Variants in DNMBP observed in about 807,000 individuals in gnomAD.
DNMBP encodes dynamin-binding protein.
Under a neutral mutation model 150.0 loss-of-function variants are expected in DNMBP, and 87 were observed. That is an observed-to-expected ratio of 0.58 (90% CI 0.49 to 0.69). DNMBP has a LOEUF of 0.69. Ranked by LOEUF, DNMBP falls within the 30% of genes least tolerant of loss-of-function variation. DNMBP has a pLI of 0.00. For missense variants in DNMBP, 1,774 were observed against 1,949.0 expected (o/e 0.91, Z 1.69); for synonymous variants, 711 against 750.4 (o/e 0.95, Z 0.86).
rs1589431808 is a variant in DNMBP at position 99,943,875 on chromosome 10, C to G, written c.2260+11339G>C. 3.9e-5 allele frequency among the ~76,000 whole-genome samples: 6 copies of G among 152,216 alleles called. No individual in the cohort carries two copies. In the East Asian group the frequency reaches 1.2e-3, roughly 29 times the overall value. ...ATCAGTCATTCTCCAGCTTGTTAAT[C>G]TACTGGCTGTCTTTAGTGCATCTTA... On this transcript the variant is annotated intron_variant, in intron 4 of 16. Coordinates refer to ENST00000324109, the MANE Select transcript of DNMBP (RefSeq NM_015221.4).
At chr10:99,905,359 T>C (rs2039811380) in intron 6 of DNMBP, among the ~76,000 whole-genome samples, 1 of 152,332 alleles carries the variant, frequency 6.6e-6, no homozygotes, top group Middle Eastern at 3.4e-3. Flanking sequence ...GACTTGAGTT[T>C]GAATGCCAGT....
intron 4 of DNMBP, among the ~76,000 whole-genome samples, chr10:99,920,655 T>C (rs2040013398): frequency 6.6e-6 from 1 of 152,166 alleles, no homozygotes. Flanking sequence ...TTGGGCCTGT[T>C]TGTCACTTTC....
chr10:99,991,985 C>T (rs531625259), intron 1 of DNMBP, among the ~76,000 whole-genome samples: 1 of 126,666 alleles, frequency 7.9e-6, no homozygotes, highest in South Asian at 2.4e-4. Context: ...TGCCTGTAAT[C>T]TCACCACTTT....
chr10:99,892,983 T>C (rs1287856431), intron 11 of DNMBP, among the ~76,000 whole-genome samples: 5 of 151,932 alleles, frequency 3.3e-5, no homozygotes. Flanking sequence ...GATACAGAGA[T>C]CAACAAACTG....
rs370660568 is a variant in DNMBP, at chr10:99,956,191, T to G, written c.1283A>C (p.Gln428Pro). 1.9e-6 allele frequency: 3 copies of G among 1,614,142 alleles called. No homozygotes were observed. The highest frequency in any genetic ancestry group is 2.5e-6 in the Non-Finnish European group (3 of 1,180,034). The change falls in exon 4 of 17, where the codon CAG (glutamine) becomes CCG (proline). Residue 428 changes from glutamine to proline, a missense_variant. Gln to Pro is a moderately conservative substitution (Grantham distance 76). This residue lies in a region of DNMBP where 1,430 missense variants were observed against 1,492.5 expected (regional missense o/e 0.96). Transcript: ENST00000324109. ...VPFHPNLQKS[Q>P]YYSTVGGSHP... is the part of the protein sequence containing the mutation. ...GCTCCCTCCCACTGTAGAATAATAC[T>G]GGCTTTTCTGCAAGTTGGGATGAAA...
In DNMBP at chr10:99,955,453, T is replaced by G. The variant is rs2040475206; in HGVS notation, c.2021A>C (p.Glu674Ala). The stretch of plus-strand genomic sequence containing the variant: ...TCCCATATGACCAGGGCCCTCCTTT[T>G]CTAAGGTCTCACAGGTAGGACGGTG... ...SRHRPTCETLEKEGPGHMGRS... is the reference protein window; with the variant it reads ...SRHRPTCETLAKEGPGHMGRS... The change falls in exon 4 of 17, where the codon GAA (glutamate) becomes GCA (alanine). Residue 674 changes from glutamate (E) to alanine (A), a missense_variant. Coordinates refer to ENST00000324109, the MANE Select transcript of DNMBP (RefSeq NM_015221.4). The G allele has an allele frequency of 5.6e-6, 9 of 1,610,354 alleles. No individual in the cohort carries two copies. Among genetic ancestry groups the G allele is most frequent in the Non-Finnish European group, 6.8e-6 (8 of 1,177,682 alleles).
chr10:99,904,202 C>A (rs561948899), intron 6 of DNMBP, among the ~76,000 whole-genome samples: 2 of 152,180 alleles, frequency 1.3e-5, no homozygotes, highest in African/African-American at 4.8e-5. Flanking sequence ...CTGCAGTGAG[C>A]TGTGATCACA....
chr10:100,007,181 A>G (rs2041082232), intron 1 of DNMBP, among the ~76,000 whole-genome samples: 1 of 151,898 alleles, frequency 6.6e-6, no homozygotes, highest in Non-Finnish European at 1.5e-5. Flanking sequence ...TAAATCCCCT[A>G]CCACACATAT....
chr10:99,898,998 G>C (rs897153346), intron 7 of DNMBP, among the ~76,000 whole-genome samples: 1 of 149,450 alleles, frequency 6.7e-6, no homozygotes, highest in Non-Finnish European at 1.5e-5. Flanking sequence ...TTCAAGACCT[G>C]CCTGGCCAAC....
intron 15 of DNMBP, among the ~76,000 whole-genome samples, chr10:99,882,902 C>CA (rs1484903284): frequency 6.6e-6 from 1 of 151,734 alleles, no homozygotes; most frequent in Non-Finnish European, 1.5e-5. Context: ...CCCGTCTCTA[C>CA]AAAAAATACA....
At chr10:99,995,833 C>T (rs976757244) in intron 1 of DNMBP, among the ~76,000 whole-genome samples, 2 of 152,248 alleles carry the variant, frequency 1.3e-5, no homozygotes, top group African/African-American at 4.8e-5. Flanking sequence ...AAATAATAAA[C>T]ACGTCTGTCT....
intron 3 of DNMBP, among the ~76,000 whole-genome samples, chr10:99,964,816 A>C (rs1363903883): frequency 2.0e-5 from 3 of 151,268 alleles, no homozygotes; most frequent in Non-Finnish European, 4.4e-5. Flanking sequence ...AGTGGCAGTG[A>C]GCAGAAATTG....
In DNMBP at chr10:99,934,815, G is replaced by A. The variant is rs1305660668; in HGVS notation, c.2260+20399C>T. Among the ~76,000 whole-genome samples the A allele has an allele frequency of 2.4e-5, 3 of 127,652 alleles. No individual in the cohort carries two copies. In the Admixed American group the frequency reaches 2.5e-4, roughly 10 times the overall value. The allele number at this position is 127,652 out of a possible 152,430, so 83.7% of individuals were successfully genotyped here. Reference sequence around the variant, plus strand: ...AGCATAGAGCAATTAGTAGAAGGAAGAGGCCGGGCACAGTGGCTCATACCT... The same window carrying A: ...AGCATAGAGCAATTAGTAGAAGGAAAAGGCCGGGCACAGTGGCTCATACCT... On this transcript the variant is annotated intron_variant, in intron 4 of 16. Transcript: ENST00000324109.
chr10:99,964,507 T>C (rs948709759), intron 3 of DNMBP, among the ~76,000 whole-genome samples: 2 of 151,644 alleles, frequency 1.3e-5, no homozygotes, highest in Non-Finnish European at 2.9e-5. Flanking sequence ...GTTTTTTTTT[T>C]AGGATAGTCA....
At chr10:99,937,871 T>G (rs530710961) in intron 4 of DNMBP, among the ~76,000 whole-genome samples, 2 of 152,282 alleles carry the variant, frequency 1.3e-5, no homozygotes, top group Admixed American at 6.5e-5. Flanking sequence ...GGAGGACAGC[T>G]TTCACCACAA....
chr10:100,004,015 G>A (rs1314046359), intron 1 of DNMBP, among the ~76,000 whole-genome samples: 1 of 151,568 alleles, frequency 6.6e-6, no homozygotes, highest in Non-Finnish European at 1.5e-5. Flanking sequence ...GAAGATTGCT[G>A]GAGCCCGGGA....
intron 1 of DNMBP, among the ~76,000 whole-genome samples, chr10:99,992,659 T>TAA (rs1442791566): frequency 5.9e-5 from 9 of 151,272 alleles, no homozygotes; most frequent in Non-Finnish European, 1.3e-4. Flanking sequence ...CCCGAGTAGC[T>TAA]GGGACTATAG....
At chr10:99,969,023 C>T in intron 3 of DNMBP, 92 bp downstream of exon 3, 2 of 1,496,508 alleles carry the variant, frequency 1.3e-6, no homozygotes, top group Middle Eastern at 1.7e-4. Flanking sequence ...GAGGTTAAGC[C>T]ACTTCACAAA....
At chr10:99,917,986 A>G (rs1448841229) in intron 4 of DNMBP, among the ~76,000 whole-genome samples, 36 of 55,076 alleles carry the variant, frequency 6.5e-4, no homozygotes, top group East Asian at 2.3e-3. Context: ...AAAAAAAAAA[A>G]AAAAGAAAAG....
Sources: allele counts gnomAD v4.1 joint callset (sites outside exome capture counted in the v4.1 genomes callset), GRCh38; gene constraint gnomAD v4.1.1; regional missense constraint gnomAD v4.1.1; transcripts MANE v1.5; gene names NCBI Gene and HGNC (gene_info 2026-07-23, HGNC 2026-07-21).